Variants in DCBLD1 observed in about 807,000 individuals in gnomAD.
DCBLD1 encodes discoidin, CUB and LCCL domain-containing protein 1.
DCBLD1 carries 57 observed loss-of-function variants against 71.5 expected under a neutral mutation model. The ratio of observed to expected loss-of-function variants is 0.80; its 90% CI spans 0.64 to 0.99. DCBLD1 has a LOEUF of 0.99. Ranked by LOEUF, DCBLD1 falls within the 50% of genes least tolerant of loss-of-function variation. The pLI, the probability that DCBLD1 is intolerant of heterozygous loss-of-function variation, is 0.00. For missense variants in DCBLD1, 891 were observed against 923.5 expected (o/e 0.96, Z 0.46); for synonymous variants, 380 against 363.8 (o/e 1.04, Z -0.51).
At chr6:117,501,690 G>A (rs1211321387) in intron 1 of DCBLD1, among the ~76,000 whole-genome samples, 1 of 152,228 alleles carries the variant, frequency 6.6e-6, no homozygotes, top group Non-Finnish European at 1.5e-5. Context: ...GCCCTTTAAA[G>A]CCGACAAATA....
intron 11 of DCBLD1, 135 bp downstream of exon 11, chr6:117,541,160 T>C (rs931037766): frequency 1.0e-5 from 7 of 696,208 alleles, no homozygotes; most frequent in African/African-American, 3.6e-5. Context: ...TTGGCACATA[T>C]GTAAAATGAT....
At chr6:117,492,803 C>T (rs1437553725) in intron 1 of DCBLD1, among the ~76,000 whole-genome samples, 1 of 152,114 alleles carries the variant, frequency 6.6e-6, no homozygotes, top group Non-Finnish European at 1.5e-5. Context: ...ATATGTCTCC[C>T]CAGTGAGATT....
intron 4 of DCBLD1, 124 bp downstream of exon 4, chr6:117,521,700 G>T: frequency 1.2e-6 from 1 of 813,668 alleles, no homozygotes; most frequent in African/African-American, 1.9e-5. Context: ...AACTAATGAG[G>T]AATATTTGAA....
At chr6:117,508,549 G>A (rs1777912963) in intron 2 of DCBLD1, among the ~76,000 whole-genome samples, 1 of 152,156 alleles carries the variant, frequency 6.6e-6, no homozygotes, top group Admixed American at 6.5e-5. Context: ...TAACTTTACA[G>A]CTCTTTAGTG....
Position 117,498,746 on chromosome 6 carries a change from C to T in DCBLD1, c.113-5021C>T, listed in dbSNP as rs563434321. 4.6e-5 allele frequency among the ~76,000 whole-genome samples: 7 copies of T among 152,086 alleles called. No individual in the cohort carries two copies. In the South Asian group the frequency reaches 1.5e-3, roughly 32 times the overall value. On this transcript the variant is annotated intron_variant, in intron 1 of 14. Coordinates refer to ENST00000338728, the MANE Select transcript of DCBLD1 (RefSeq NM_001366458.2). Reference sequence around the variant, plus strand: ...TTTATTCTGCATCACCTCTTTTTTGCCAGGTATTTTAAGGCAAATCCCAGA... The same window carrying T: ...TTTATTCTGCATCACCTCTTTTTTGTCAGGTATTTTAAGGCAAATCCCAGA...
chr6:117,541,977 T>C (rs1374906386), intron 11 of DCBLD1, among the ~76,000 whole-genome samples: 1 of 152,194 alleles, frequency 6.6e-6, no homozygotes, highest in African/African-American at 2.4e-5. Flanking sequence ...TTATTTGATT[T>C]TCCCCAAATT....
At chr6:117,518,565 A>G (rs1350194845) in intron 2 of DCBLD1, among the ~76,000 whole-genome samples, 1 of 152,192 alleles carries the variant, frequency 6.6e-6, no homozygotes. Context: ...AGACTGGGCA[A>G]TTTACAAGAG....
chr6:117,563,262 A>AT lies in DCBLD1; in HGVS notation c.1616-6352dup, dbSNP rs761316794. ...CTGGAGATATGGTCAATTTAATAAG[A>AT]TTTTTTATGATACAGAGTGTGCAGA... On this transcript the variant is annotated intron_variant, in intron 14 of 14. Coordinates refer to the DCBLD1 transcript ENST00000296955. 2.1e-5 allele frequency: 34 copies of AT among 1,612,808 alleles called. No homozygotes were observed. The East Asian group carries it at 6.0e-4, about 29-fold the overall frequency.
intron 13 of DCBLD1, among the ~76,000 whole-genome samples, chr6:117,545,018 T>C (rs1779220416): frequency 6.7e-6 from 1 of 149,714 alleles, no homozygotes; most frequent in Non-Finnish European, 1.5e-5. Flanking sequence ...GTCTGGTCTT[T>C]TTCTCACTTT....
At chr6:117,505,903 C>A (rs1242519441) in intron 2 of DCBLD1, among the ~76,000 whole-genome samples, 1 of 152,122 alleles carries the variant, frequency 6.6e-6, no homozygotes, top group South Asian at 2.1e-4. Context: ...TTATCCTCCC[C>A]ATTTCTAGGT....
chr6:117,540,091 A>G (rs1211562102), intron 9 of DCBLD1: 1 of 152,542 alleles, frequency 6.6e-6, no homozygotes, highest in African/African-American at 2.4e-5. Flanking sequence ...AAAAAGAAAA[A>G]AAGAAAGATG....
At chr6:117,535,379 G>A (rs933434534) in intron 6 of DCBLD1, among the ~76,000 whole-genome samples, 1 of 152,136 alleles carries the variant, frequency 6.6e-6, no homozygotes, top group African/African-American at 2.4e-5. Context: ...CCTCTGGGAA[G>A]CCTCCTTATT....
chr6:117,515,020 G>GGT lies in DCBLD1; in HGVS notation c.326-4796_326-4795insGT, dbSNP rs1402023741. Reference sequence around the variant, plus strand: ...GACTTGCTTACCTTACAGTTTGTGGGTTTTTTTTTTTTTTTTTGAGACGGA... The same window carrying GGT: ...GACTTGCTTACCTTACAGTTTGTGGGGTTTTTTTTTTTTTTTTTTGAGACGGA... On this transcript the variant is annotated intron_variant, in intron 2 of 14. Coordinates refer to ENST00000338728, the MANE Select transcript of DCBLD1 (RefSeq NM_001366458.2). 1.6e-3 allele frequency among the ~76,000 whole-genome samples: 221 copies of GGT among 136,912 alleles called. 9 individuals are homozygous for GGT. The highest frequency in any genetic ancestry group is 0.012 in the South Asian group (51 of 4,222). The allele number at this position is 136,912 out of a possible 152,430, so 89.8% of individuals were successfully genotyped here. A position where few individuals can be genotyped will look rare whatever the true frequency, so the allele number is the denominator to read the frequency against.
Position 117,548,277 on chromosome 6 carries a change from C to T in DCBLD1, c.1986C>T (p.Asp662=). Residue 662 remains aspartate (D), a synonymous_variant, in exon 15 of 15, where the codon GAC becomes GAT. Transcript: ENST00000338728. The part of the protein sequence containing the change: ...YQRPHSAQPA[D]RGYDRPKAVS... Reference sequence around the variant, plus strand: ...GGCCACACAGCGCACAGCCTGCGGACAGGGGCTACGACCGGCCCAAAGCTG... The same window carrying T: ...GGCCACACAGCGCACAGCCTGCGGATAGGGGCTACGACCGGCCCAAAGCTG... 2 of 1,550,664 alleles carry T rather than the reference C, an allele frequency of 1.3e-6. No homozygotes were observed. Among genetic ancestry groups the T allele is most frequent in the Non-Finnish European group, 1.7e-6 (2 of 1,146,992 alleles).
chr6:117,517,327 C>T (rs775818348), intron 2 of DCBLD1, among the ~76,000 whole-genome samples: 6 of 152,218 alleles, frequency 3.9e-5, no homozygotes, highest in Non-Finnish European at 7.3e-5. Context: ...GCAGGTCATG[C>T]TGATGCAAGA....
chr6:117,483,272 C>T (rs1051551378), intron 1 of DCBLD1, among the ~76,000 whole-genome samples: 3 of 152,214 alleles, frequency 2.0e-5, no homozygotes, highest in African/African-American at 7.2e-5. Context: ...AGGGGACAGC[C>T]GTGTGCAGGG....
intron 11 of DCBLD1, among the ~76,000 whole-genome samples, chr6:117,541,377 T>TA (rs962263637): frequency 6.6e-6 from 1 of 151,744 alleles, no homozygotes; most frequent in Non-Finnish European, 1.5e-5. Context: ...AGTGGCAACT[T>TA]AAAAAAAATA....
intron 14 of DCBLD1, among the ~76,000 whole-genome samples, chr6:117,558,023 A>C (rs1779517759): frequency 6.6e-6 from 1 of 152,224 alleles, no homozygotes; most frequent in Non-Finnish European, 1.5e-5. Context: ...GACAAGGTAC[A>C]AGGTCTTATT....
At chr6:117,487,802 T>TG (rs1172513681) in intron 1 of DCBLD1, among the ~76,000 whole-genome samples, 6 of 151,966 alleles carry the variant, frequency 3.9e-5, no homozygotes, top group Non-Finnish European at 8.8e-5. Context: ...ATTTCAGATT[T>TG]TTTTTTTTTT....
Sources: gnomAD v4.1 joint callset for allele counts (sites outside exome capture counted in the v4.1 genomes callset) on GRCh38, gnomAD v4.1.1 for gene constraint, MANE v1.5 for transcripts, NCBI Gene and HGNC (gene_info 2026-07-23, HGNC 2026-07-21) for gene names.